The following VSX1 variants were observed in gnomAD, a reference collection of about 807,000 sequenced individuals.
VSX1 encodes homeodomain protein RINX.
VSX1 carries 23 observed loss-of-function variants against 23.6 expected under a neutral mutation model. The observed-to-expected ratio is 0.97, with a 90% CI of 0.70 to 1.38. The LOEUF (loss-of-function observed/expected upper bound fraction) is 1.38. Ranked by LOEUF, VSX1 falls within the 40% of genes most tolerant of loss-of-function variation. The pLI, the probability that VSX1 is intolerant of heterozygous loss-of-function variation, is 0.00. For missense variants in VSX1, 517 were observed against 495.4 expected (o/e 1.04, Z -0.41); for synonymous variants, 247 against 215.1 (o/e 1.15, Z -1.30).
chr20:25,081,308 T>G, intron 1 of VSX1: 1 of 494,734 alleles, frequency 2.0e-6, no homozygotes. Flanking sequence ...GCCCGGGCCT[T>G]CCCGACCCAC....
chr20:25,079,374 G>T, intron 2 of VSX1, 62 bp downstream of exon 2: 1 of 1,496,414 alleles, frequency 6.7e-7, no homozygotes, highest in Non-Finnish European at 9.1e-7. Flanking sequence ...AGATGCAGGT[G>T]CCATAAACCT....
Position 25,076,476 on chromosome 20 carries a change from C to G in VSX1, c.883G>C (p.Asp295His). The G allele has an allele frequency of 6.2e-7, 1 of 1,614,000 alleles. No homozygotes were observed. The highest frequency in any genetic ancestry group is 8.5e-7 in the Non-Finnish European group (1 of 1,180,020). ...TGGCTAGAACCTTCTTTGAAGTGGT[C>G]AGAGCCCCAGAGTCCTGCCAACTTA... Reference protein sequence around the residue: ...EDKLAGLWGSDHFKEGSSQSE... With the variant: ...EDKLAGLWGSHHFKEGSSQSE... The change falls in exon 5 of 5, where the codon GAC (aspartate) becomes CAC (histidine). Residue 295 changes from aspartate to histidine, a missense_variant. Physicochemically the swap from Asp to His is moderately conservative, Grantham distance 81. Transcript: ENST00000376709.
At position 25,078,874 on chromosome 20, in the gene VSX1, T is replaced by A. The variant is rs766034151; in HGVS notation, c.582A>T (p.Arg194=). The part of the protein sequence containing the change: ...SEAHYPDVYA[R]EMLAVKTELP... ...GCTCAGTTTTCACAGCCAGCATTTC[T>A]CGGGCATACACATCAGGGTAGTGGG... Residue 194 remains arginine, a synonymous_variant, in exon 3 of 5, where the codon CGA becomes CGT. Coordinates refer to ENST00000376709, the MANE Select transcript of VSX1 (RefSeq NM_014588.6). 3 of 1,614,212 alleles carry A rather than the reference T, an allele frequency of 1.9e-6. No individual in the cohort carries two copies. The highest frequency in any genetic ancestry group is 2.5e-6 in the Non-Finnish European group (3 of 1,180,038).
At position 25,077,773 on chromosome 20, in the gene VSX1, GGCCCCGTA is replaced by G; in HGVS notation, c.712_719del (p.Tyr238HisfsTer33). The G allele has an allele frequency of 6.4e-7, 1 of 1,550,980 alleles. No homozygotes were observed. The highest frequency in any genetic ancestry group is 8.7e-7 in the Non-Finnish European group (1 of 1,146,996). On this transcript the variant is annotated frameshift_variant, in exon 4 of 5. Coordinates refer to ENST00000376709, the MANE Select transcript of VSX1 (RefSeq NM_014588.6). LOFTEE classifies it high-confidence loss of function. Reference sequence around the variant, plus strand: ...GCAGCGGGATGCAGTGGCGCACCATGGCCCCGTACAGCCCGTACTCGGCCATCACGCTG... The same window carrying G: ...GCAGCGGGATGCAGTGGCGCACCATGCAGCCCGTACTCGGCCATCACGCTG...
chr20:25,070,999 T>C, downstream of VSX1: 1 of 454,028 alleles, frequency 2.2e-6, no homozygotes, highest in South Asian at 1.6e-5. Flanking sequence ...AAAATGTCAG[T>C]ATGAGACAAC....
chr20:25,077,966 C>A (rs1325399190), intron 3 of VSX1, 101 bp from the exon 4 acceptor site: 5 of 1,396,342 alleles, frequency 3.6e-6, no homozygotes, highest in Admixed American at 4.0e-5. Flanking sequence ...TCTTCTCTCC[C>A]GAGCATGATC....
At chr20:25,076,727 G>GT (rs1568863049) in intron 4 of VSX1, among the ~76,000 whole-genome samples, 177 bp from the exon 5 acceptor site, 2 of 152,210 alleles carry the variant, frequency 1.3e-5, no homozygotes, top group South Asian at 4.1e-4. Flanking sequence ...TTTAAAGCAG[G>GT]TGTCTGACCC....
downstream of VSX1, chr20:25,071,220 G>A: frequency 2.2e-6 from 1 of 452,590 alleles, no homozygotes; most frequent in Admixed American, 2.4e-5. Flanking sequence ...TGAGCACCCA[G>A]GCAGGCACAG....
At chr20:25,071,839 G>A (rs947865921), downstream of VSX1, 1 of 714,330 alleles carries the variant, frequency 1.4e-6, no homozygotes, top group African/African-American at 1.7e-5. Context: ...GATGACACAG[G>A]AAAATCGGCA....
At chr20:25,074,305 T>C (rs2089442220), downstream of VSX1, among the ~76,000 whole-genome samples, 1 of 152,210 alleles carries the variant, frequency 6.6e-6, no homozygotes. Context: ...CAAAGCCGCC[T>C]CAAAGACTCT....
At chr20:25,075,187 G>T (rs1413756771), downstream of VSX1, among the ~76,000 whole-genome samples, 1 of 152,198 alleles carries the variant, frequency 6.6e-6, no homozygotes, top group Admixed American at 6.5e-5. Context: ...ACAATGAGCA[G>T]TTCCACACTT....
At chr20:25,081,517 C>G (rs1290758325) in intron 1 of VSX1, 156 bp downstream of exon 1, 19 of 1,157,606 alleles carry the variant, frequency 1.6e-5, no homozygotes, top group Non-Finnish European at 2.4e-5. Context: ...GGCGCAGCTC[C>G]GCGAATGCCC....
rs780392287 is a variant in VSX1, at chr20:25,076,564, A to T, written c.809-14T>A. The T allele has an allele frequency of 3.2e-6, 5 of 1,585,764 alleles. No homozygotes were observed. The highest frequency in any genetic ancestry group is 4.3e-6 in the Non-Finnish European group (5 of 1,171,758). On this transcript the variant is annotated splice_polypyrimidine_tract_variant and intron_variant, in intron 4 of 4. Transcript: ENST00000376709. ...TTTTATGCATCCCTTGTAAAAAAAA[A>T]AATAAAAAGGAAAAAATAAAAATAA...
chr20:25,074,342 GTGTA>G (rs2089442801), downstream of VSX1, among the ~76,000 whole-genome samples: 1 of 152,168 alleles, frequency 6.6e-6, no homozygotes, highest in Non-Finnish European at 1.5e-5. Context: ...ATATAAACAC[GTGTA>G]TGTATGTATA....
intron 3 of VSX1, 171 bp from the exon 4 acceptor site, chr20:25,078,036 G>C: frequency 1.2e-6 from 1 of 856,130 alleles, no homozygotes; most frequent in Non-Finnish European, 1.8e-6. Context: ...CAGGGAGAGC[G>C]CCCAGGAGCC....
chr20:25,071,383 G>A (rs947959860), downstream of VSX1: 4 of 453,764 alleles, frequency 8.8e-6, no homozygotes, highest in African/African-American at 6.0e-5. Context: ...GAGGTGGGAG[G>A]ATCACTTCAG....
chr20:25,071,270 C>G (rs942448927), downstream of VSX1: 11 of 453,794 alleles, frequency 2.4e-5, no homozygotes, highest in African/African-American at 2.0e-4. Context: ...ATGTGTCATT[C>G]ATGATGGAAG....
At chr20:25,074,871 G>T (rs1420399550), downstream of VSX1, among the ~76,000 whole-genome samples, 1 of 152,168 alleles carries the variant, frequency 6.6e-6, no homozygotes, top group Non-Finnish European at 1.5e-5. Context: ...TGGAGCCAGG[G>T]CTGCTGTCTC....
downstream of VSX1, chr20:25,071,022 G>C (rs1429964742): frequency 2.2e-6 from 1 of 454,014 alleles, no homozygotes; most frequent in East Asian, 6.9e-5. Context: ...ATTCTGCAAT[G>C]ACAGGAAGGA....
Sources: allele counts gnomAD v4.1 joint callset (sites outside exome capture counted in the v4.1 genomes callset), GRCh38; gene constraint gnomAD v4.1.1; transcripts MANE v1.5; gene names NCBI Gene and HGNC (gene_info 2026-07-23, HGNC 2026-07-21).